P2RX5: variants seen among roughly 807,000 people sequenced by gnomAD.
The protein encoded by P2RX5 is purinergic receptor P2X 5.
Under a neutral mutation model 54.1 loss-of-function variants are expected in P2RX5, and 46 were observed. The observed-to-expected ratio is 0.85, with a 90% CI of 0.67 to 1.09. The LOEUF is 1.09. Ranked by LOEUF, P2RX5 falls within the 50% of genes least tolerant of loss-of-function variation. P2RX5 has a pLI of 0.00. For synonymous variants in P2RX5, 226 were observed against 226.4 expected (o/e 1.00, Z 0.02); for missense variants, 566 against 549.8 (o/e 1.03, Z -0.29).
At chr17:3,676,327 C>T (rs958046197) in intron 11 of P2RX5, 1 of 985,304 alleles carries the variant, frequency 1.0e-6, no homozygotes, top group African/African-American at 1.7e-5. Context: ...AGTTCATTAC[C>T]TGAGTGAATG....
chr17:3,690,782 C>A, intron 3 of P2RX5, 102 bp from the exon 4 acceptor site: 1 of 1,306,464 alleles, frequency 7.7e-7, no homozygotes, highest in Non-Finnish European at 1.1e-6. Flanking sequence ...GCCTGGCCCA[C>A]ACACACTCTG....
chr17:3,675,378 G>C (rs1478080894), intron 11 of P2RX5: 1 of 985,192 alleles, frequency 1.0e-6, no homozygotes, highest in African/African-American at 1.7e-5. Context: ...CAAATAGTAT[G>C]ACTATCCTCA....
chr17:3,702,484 T>G, the P2RX5 span, among the ~76,000 whole-genome samples: 1 of 151,968 alleles, frequency 6.6e-6, no homozygotes, highest in African/African-American at 2.4e-5. Flanking sequence ...TGGAGTCCTC[T>G]TCCACGTTGT....
chr17:3,713,613 G>C, the P2RX5 span, among the ~76,000 whole-genome samples: 71 of 151,702 alleles, frequency 4.7e-4, no homozygotes, highest in Non-Finnish European at 7.7e-4. Flanking sequence ...AGCTGGGCGT[G>C]GTGGCGCATG....
In P2RX5 at chr17:3,695,922, C is replaced by A; in HGVS notation, c.84G>T (p.Lys28Asn). The A allele has an allele frequency of 6.2e-7, 1 of 1,614,206 alleles. No individual in the cohort carries two copies. The highest frequency in any genetic ancestry group is 8.5e-7 in the Non-Finnish European group (1 of 1,180,014). ...GCAGCAGCCGGTACAGCAGGCCCAC[C>A]TTCTTGTTCTTGGCGATGACATACT... is the stretch of plus-strand genomic sequence containing the variant. ...TEKYVIAKNKKVGLLYRLLQA... is the reference protein window; with the variant it reads ...TEKYVIAKNKNVGLLYRLLQA... Residue 28 changes from lysine (K) to asparagine (N), a missense_variant, in exon 1 of 12, where the codon AAG (lysine) becomes AAT (asparagine). By Grantham distance (94) the Lys-to-Asn change is moderately conservative. Coordinates refer to ENST00000225328, the MANE Select transcript of P2RX5 (RefSeq NM_002561.4).
chr17:3,723,211 G>A, the P2RX5 span: 2 of 991,166 alleles, frequency 2.0e-6, no homozygotes, highest in Non-Finnish European at 3.3e-6. Context: ...GTTATGCAAA[G>A]ATGCTATTAT....
intron 10 of P2RX5, 25 bp from the exon 11 acceptor site, chr17:3,679,809 C>CTGG (rs1182986029): frequency 6.2e-7 from 1 of 1,601,384 alleles, no homozygotes; most frequent in South Asian, 1.1e-5. Context: ...AGCTGTTCAC[C>CTGG]TGGGACGGCC....
the P2RX5 span, chr17:3,720,515 A>C: frequency 1.6e-6 from 1 of 632,750 alleles, no homozygotes; most frequent in Non-Finnish European, 2.9e-6. Flanking sequence ...GGCTTAGTTA[A>C]TGGCCCTAAC....
At position 3,673,248 on chromosome 17, in the gene P2RX5, T is replaced by C; in HGVS notation, c.*620A>G. On this transcript the variant is annotated 3_prime_UTR_variant, in exon 12 of 12. Coordinates refer to ENST00000225328, the MANE Select transcript of P2RX5 (RefSeq NM_002561.4). ...CACGTTTGAAATTGACACCATTTAT[T>C]GTTTTATGACCAAATAAGAGTGTCA... 1.0e-6 allele frequency: 1 copy of C among 987,986 alleles called. No homozygotes were observed. The highest frequency in any genetic ancestry group is 1.7e-5 in the African/African-American group (1 of 57,378). 61.2% of individuals were successfully genotyped at this position (987,986 alleles called of 1,614,324 possible). A position where few individuals can be genotyped will look rare whatever the true frequency, so the allele number is the denominator to read the frequency against.
At chr17:3,703,344 T>C in the P2RX5 span, among the ~76,000 whole-genome samples, 2 of 151,706 alleles carry the variant, frequency 1.3e-5, no homozygotes, top group African/African-American at 2.4e-5. Context: ...TGTTTCTACC[T>C]AAAAAAACAA....
chr17:3,707,560 TCA>T, the P2RX5 span, among the ~76,000 whole-genome samples: 1 of 151,972 alleles, frequency 6.6e-6, no homozygotes, highest in African/African-American at 2.4e-5. Context: ...GCCTCAGATC[TCA>T]CAGCTCTAAA....
In P2RX5 at chr17:3,676,527, C is replaced by T. The variant is rs8072897; in HGVS notation, c.1260-2650G>A. The T allele has an allele frequency of 9.0e-3, 8,876 of 985,316 alleles. 522 individuals carry two copies. In the African/African-American group the frequency reaches 0.13, roughly 14 times the overall value. The allele number at this position is 985,316 out of a possible 1,614,324, so 61.0% of individuals were successfully genotyped here. A position where few individuals can be genotyped will look rare whatever the true frequency, so the allele number is the denominator to read the frequency against. On this transcript the variant is annotated intron_variant, in intron 11 of 11. Coordinates refer to ENST00000225328, the MANE Select transcript of P2RX5 (RefSeq NM_002561.4). ...CTTAAATCAGCTGAGCATACTGCTG[C>T]TTTCAGGGTGGGGGAGGAAGCCTCT...
At chr17:3,683,361 C>T (rs2050339691) in intron 9 of P2RX5, among the ~76,000 whole-genome samples, 1 of 152,244 alleles carries the variant, frequency 6.6e-6, no homozygotes, top group South Asian at 2.1e-4. Context: ...ACCTTGACCA[C>T]CACCTCTTCC....
At chr17:3,677,057 A>C in intron 11 of P2RX5, 1 of 982,632 alleles carries the variant, frequency 1.0e-6, no homozygotes, top group Non-Finnish European at 1.2e-6. Context: ...GCGAGACTCT[A>C]TTTCAAAAAA....
upstream of P2RX5, among the ~76,000 whole-genome samples, chr17:3,699,964 AAG>A (rs1567744508): frequency 1.4e-5 from 2 of 138,324 alleles, no homozygotes; most frequent in Non-Finnish European, 3.3e-5. Flanking sequence ...GAAAGAAAGA[AAG>A]AAAGAAAGAA....
intron 10 of P2RX5, 24 bp downstream of exon 10, chr17:3,681,872 C>T (rs763203277): frequency 3.5e-5 from 54 of 1,565,122 alleles, no homozygotes; most frequent in East Asian, 1.6e-4. Context: ...GCCCTCGGGC[C>T]GCCGGCCTGG....
intron 2 of P2RX5, 79 bp from the exon 3 acceptor site, chr17:3,691,106 A>C (rs2050604680): frequency 9.2e-7 from 1 of 1,084,306 alleles, no homozygotes; most frequent in Non-Finnish European, 1.4e-6. Context: ...TACCTGAAAG[A>C]GGGCGGTCCC....
In P2RX5 at chr17:3,690,995, C is replaced by G. The variant is rs1214507557; in HGVS notation, c.321G>C (p.Leu107=). 2.2e-5 allele frequency: 35 copies of G among 1,613,010 alleles called. No homozygotes were observed. The highest frequency in any genetic ancestry group is 2.8e-5 in the Non-Finnish European group (33 of 1,179,758). The part of the protein sequence containing the change: ...GENVFFVVTN[L]IVTPNQRQNV... ...TCTGCCGCTGGTTGGGGGTCACAAT[C>G]AGGTTGGTGACCACAAAAAAGACGT... The change falls in exon 3 of 12, where the codon CTG becomes CTC. Residue 107 remains leucine, a synonymous_variant. Coordinates refer to ENST00000225328, the MANE Select transcript of P2RX5 (RefSeq NM_002561.4).
intron 7 of P2RX5, 24 bp downstream of exon 7, chr17:3,689,468 G>T (rs2050540807): frequency 1.2e-6 from 2 of 1,612,840 alleles, no homozygotes; most frequent in Non-Finnish European, 8.5e-7. Flanking sequence ...CTCAGGGAGG[G>T]CTCCCTGCGT....
Sources: allele counts gnomAD v4.1 joint callset (sites outside exome capture counted in the v4.1 genomes callset), GRCh38; gene constraint gnomAD v4.1.1; transcripts MANE v1.5; gene names NCBI Gene and HGNC (gene_info 2026-07-23, HGNC 2026-07-21).